The following CTDSPL2 variants were observed in gnomAD, a reference collection of about 807,000 sequenced individuals.
The protein encoded by CTDSPL2 is CTD small phosphatase-like protein 2.
A neutral mutation model predicts 60.0 loss-of-function variants in CTDSPL2; 5 were observed. The observed-to-expected ratio is 0.08, with a 90% confidence interval of 0.04 to 0.18. The LOEUF is 0.18. CTDSPL2 is among the 10% of genes least tolerant of loss of function. The probability of loss-of-function intolerance (pLI) is 1.00; values close to 1 mark genes in which losing one functional copy is unlikely to be tolerated. For synonymous variants in CTDSPL2, 186 were observed against 189.3 expected (o/e 0.98, Z 0.14); for missense variants, 370 against 548.8 (o/e 0.67, Z 3.26).
chr15:44,449,716 G>T (rs144687789), intron 1 of CTDSPL2, among the ~76,000 whole-genome samples: 1 of 152,082 alleles, frequency 6.6e-6, no homozygotes, highest in South Asian at 2.1e-4. Flanking sequence ...GTAGCCAGGC[G>T]TGGTGGCACT....
chr15:44,516,711 T>A (rs1013898916), intron 10 of CTDSPL2: 3 of 152,250 alleles, frequency 2.0e-5, no homozygotes, highest in African/African-American at 7.2e-5. Context: ...ATGATAGTCA[T>A]GTTATGACAA....
intron 8 of CTDSPL2, among the ~76,000 whole-genome samples, chr15:44,501,694 G>C (rs2081384323): frequency 6.6e-6 from 1 of 152,150 alleles, no homozygotes; most frequent in African/African-American, 2.4e-5. Flanking sequence ...AGAGCACAGA[G>C]CAGGTAGTTT....
rs369262968 is a variant in CTDSPL2 at position 44,428,810 on chromosome 15, A to AT, written c.-25+1044dup. 5.1e-3 allele frequency among the ~76,000 whole-genome samples: 769 copies of AT among 152,238 alleles called. 9 individuals are homozygous for AT. Among genetic ancestry groups the AT allele is most frequent in the African/African-American group, 0.018 (728 of 41,548 alleles). On this transcript the variant is annotated intron_variant, in intron 1 of 12. Transcript: ENST00000260327. ...AGTTTTAAATTTTCGTTCCTGGTCCATTTTTTATTCTTAGAAAAGGGAAAT... is the reference window on the plus strand; with the variant it reads ...AGTTTTAAATTTTCGTTCCTGGTCCATTTTTTTATTCTTAGAAAAGGGAAAT...
intron 8 of CTDSPL2, among the ~76,000 whole-genome samples, chr15:44,502,442 G>A (rs748807495): frequency 4.0e-5 from 6 of 151,876 alleles, no homozygotes; most frequent in Non-Finnish European, 7.4e-5. Flanking sequence ...TATTATATAT[G>A]TTTTAATAAT....
At chr15:44,445,989 G>A (rs1269150842) in intron 1 of CTDSPL2, among the ~76,000 whole-genome samples, 1 of 144,870 alleles carries the variant, frequency 6.9e-6, no homozygotes, top group Admixed American at 7.1e-5. Flanking sequence ...GCAGTGGCGC[G>A]ATCTAGGCTC....
At chr15:44,449,618 A>G (rs562816169) in intron 1 of CTDSPL2, among the ~76,000 whole-genome samples, 1 of 152,234 alleles carries the variant, frequency 6.6e-6, no homozygotes, top group Admixed American at 6.5e-5. Context: ...GGTGTGAGCC[A>G]CCACGCCTGG....
At chr15:44,504,677 T>G (rs913755956) in intron 8 of CTDSPL2, among the ~76,000 whole-genome samples, 2 of 149,872 alleles carry the variant, frequency 1.3e-5, no homozygotes, top group South Asian at 4.3e-4. Context: ...GAGACCGGCC[T>G]GGGCAAGATA....
intron 1 of CTDSPL2, among the ~76,000 whole-genome samples, chr15:44,438,028 G>A (rs1258682127): frequency 6.6e-6 from 1 of 152,174 alleles, no homozygotes; most frequent in African/African-American, 2.4e-5. Context: ...ACTTTGGGAG[G>A]CCGAGGCAGG....
At chr15:44,442,598 G>C (rs1467212048) in intron 1 of CTDSPL2, among the ~76,000 whole-genome samples, 3 of 152,090 alleles carry the variant, frequency 2.0e-5, no homozygotes, top group African/African-American at 7.2e-5. Context: ...CGGGGTAGGA[G>C]GCAAATTTTA....
At chr15:44,511,870 A>C (rs1349115501) in intron 8 of CTDSPL2, among the ~76,000 whole-genome samples, 1 of 142,084 alleles carries the variant, frequency 7.0e-6, no homozygotes, top group African/African-American at 2.9e-5. Context: ...GGTCTCGCAA[A>C]AAAAAAAAAA....
At chr15:44,513,980 T>G (rs2081610003) in intron 8 of CTDSPL2, among the ~76,000 whole-genome samples, 1 of 152,234 alleles carries the variant, frequency 6.6e-6, no homozygotes, top group Admixed American at 6.5e-5. Flanking sequence ...TGTGTTTGAC[T>G]GTTATAATTT....
At chr15:44,495,581 A>G (rs1367477572) in intron 5 of CTDSPL2, among the ~76,000 whole-genome samples, 2 of 151,194 alleles carry the variant, frequency 1.3e-5, no homozygotes, top group Non-Finnish European at 2.9e-5. Flanking sequence ...TAGTCTTGAG[A>G]TTCCTGGGAA....
intron 2 of CTDSPL2, among the ~76,000 whole-genome samples, chr15:44,470,820 A>G (rs184868615): frequency 6.6e-6 from 1 of 152,170 alleles, no homozygotes; most frequent in Non-Finnish European, 1.5e-5. Context: ...CTTCTATCTT[A>G]CTATGTATTC....
At position 44,439,554 on chromosome 15, in the gene CTDSPL2, G is replaced by T. The variant is rs542427439; in HGVS notation, c.-25+11782G>T. 6.5e-3 allele frequency among the ~76,000 whole-genome samples: 981 copies of T among 150,222 alleles called. 9 individuals are homozygous for T. Among genetic ancestry groups the T allele is most frequent in the Admixed American group, 0.012 (180 of 15,028 alleles). ...TTTTATGTTTTTTTTGGGGGGGGGG[G>T]AATATTTGCATTATACTGGTTGAGC... On this transcript the variant is annotated intron_variant, in intron 1 of 12. Coordinates refer to ENST00000260327, the MANE Select transcript of CTDSPL2 (RefSeq NM_016396.3).
intron 1 of CTDSPL2, among the ~76,000 whole-genome samples, chr15:44,446,875 C>T (rs1055454960): frequency 6.6e-6 from 1 of 150,780 alleles, no homozygotes; most frequent in African/African-American, 2.4e-5. Flanking sequence ...CTGCCTCAGC[C>T]TCCCAAGTTG....
chr15:44,496,960 G>C, intron 6 of CTDSPL2, 67 bp from the exon 7 acceptor site: 1 of 819,778 alleles, frequency 1.2e-6, no homozygotes, highest in Non-Finnish European at 2.0e-6. Flanking sequence ...TAAATGGGCT[G>C]AGCTTAGTAA....
chr15:44,452,002 G>T (rs528184023), intron 1 of CTDSPL2, among the ~76,000 whole-genome samples: 2 of 152,184 alleles, frequency 1.3e-5, no homozygotes, highest in South Asian at 4.1e-4. Context: ...CTGTCTTAAG[G>T]AAAGAATCAG....
chr15:44,498,224 A>G (rs1357125911), intron 7 of CTDSPL2, among the ~76,000 whole-genome samples: 1 of 152,180 alleles, frequency 6.6e-6, no homozygotes, highest in Non-Finnish European at 1.5e-5. Context: ...ATCTCATGTC[A>G]TATTGGAAAA....
At chr15:44,464,585 C>T (rs1374294131) in intron 2 of CTDSPL2, among the ~76,000 whole-genome samples, 1 of 152,190 alleles carries the variant, frequency 6.6e-6, no homozygotes, top group East Asian at 1.9e-4. Flanking sequence ...CTGTTCTTGA[C>T]TTATAGATGG....
Sources: allele counts gnomAD v4.1 joint callset (sites outside exome capture counted in the v4.1 genomes callset), GRCh38; gene constraint gnomAD v4.1.1; transcripts MANE v1.5; gene names NCBI Gene and HGNC (gene_info 2026-07-23, HGNC 2026-07-21).